The following FARS2 variants were observed in gnomAD, a reference collection of about 807,000 sequenced individuals.
FARS2 encodes the protein phenylalanine--tRNA ligase, mitochondrial.
In FARS2, 40 loss-of-function variants were observed where a neutral mutation model predicts 46.4. The observed-to-expected ratio is 0.86, with a 90% CI of 0.67 to 1.12. FARS2 has a LOEUF of 1.12. FARS2 is among the 50% of genes most tolerant of loss of function. FARS2 has a pLI of 0.00. For synonymous variants in FARS2, 234 were observed against 214.9 expected (o/e 1.09, Z -0.78); for missense variants, 513 against 567.9 (o/e 0.90, Z 0.98).
At chr6:5,458,283 A>G (rs1447782585) in intron 4 of FARS2, among the ~76,000 whole-genome samples, 8 of 152,210 alleles carry the variant, frequency 5.3e-5, no homozygotes, top group Non-Finnish European at 1.2e-4. Flanking sequence ...TTTGTGCAAG[A>G]GCTGGCTGTA....
At chr6:5,581,429 C>G (rs1223055170) in intron 5 of FARS2, among the ~76,000 whole-genome samples, 1 of 152,202 alleles carries the variant, frequency 6.6e-6, no homozygotes, top group Non-Finnish European at 1.5e-5. Flanking sequence ...TGTCATATGT[C>G]TAGCCGGCTA....
intron 1 of FARS2, among the ~76,000 whole-genome samples, chr6:5,330,480 C>T (rs1028770367): frequency 2.0e-5 from 3 of 152,088 alleles, no homozygotes; most frequent in African/African-American, 7.2e-5. Flanking sequence ...ATTGAGGATA[C>T]TGTGTGGGGT....
chr6:5,414,166 G>A (rs1762088504), intron 3 of FARS2, among the ~76,000 whole-genome samples: 1 of 152,182 alleles, frequency 6.6e-6, no homozygotes, highest in African/African-American at 2.4e-5. Context: ...AATGGTTTCT[G>A]TTGAGGTCAC....
At chr6:5,251,687 G>A in the FARS2 span, among the ~76,000 whole-genome samples, 5 of 152,146 alleles carry the variant, frequency 3.3e-5, no homozygotes, top group Admixed American at 2.0e-4. Flanking sequence ...CCTCCAACAC[G>A]GGGGATTGCA....
chr6:5,338,661 A>G (rs1771339305), intron 1 of FARS2, among the ~76,000 whole-genome samples: 1 of 139,756 alleles, frequency 7.2e-6, no homozygotes, highest in East Asian at 2.3e-4. Context: ...TTTGCAGGGC[A>G]CTTCATGGCA....
chr6:5,269,280 T>C (rs901042779), intron 1 of FARS2, among the ~76,000 whole-genome samples: 1 of 150,978 alleles, frequency 6.6e-6, no homozygotes, highest in Non-Finnish European at 1.5e-5. Flanking sequence ...TAGGTGGGAA[T>C]TGAACAACGA....
intron 1 of FARS2, among the ~76,000 whole-genome samples, chr6:5,306,427 G>C (rs1161504450): frequency 6.6e-6 from 1 of 152,200 alleles, no homozygotes; most frequent in African/African-American, 2.4e-5. Flanking sequence ...ACTGGATCCT[G>C]CTCATTCCAT....
intron 1 of FARS2, among the ~76,000 whole-genome samples, chr6:5,341,226 TATATATA>T (rs1464501641): frequency 3.1e-3 from 24 of 7,832 alleles, no homozygotes; most frequent in African/African-American, 5.0e-3. Flanking sequence ...TATATATATA[TATATATA>T]TATTTTTTTT....
the FARS2 span, among the ~76,000 whole-genome samples, chr6:5,252,916 GAGA>G: frequency 1.3e-4 from 20 of 152,088 alleles, no homozygotes; most frequent in East Asian, 3.9e-3. Context: ...TTTCCTATGT[GAGA>G]AGAATAAGCC....
upstream of FARS2, chr6:5,260,973 T>G (rs1295163564): frequency 3.3e-6 from 4 of 1,213,030 alleles, no homozygotes; most frequent in Non-Finnish European, 4.1e-6. Context: ...GGGGCGGTGC[T>G]GGGAGGGAGA....
At chr6:5,290,015 A>G (rs1767392372) in intron 1 of FARS2, among the ~76,000 whole-genome samples, 1 of 152,198 alleles carries the variant, frequency 6.6e-6, no homozygotes, top group South Asian at 2.1e-4. Context: ...AGCTAGTTAG[A>G]GAGTGTAAAA....
At chr6:5,489,112 T>C (rs766412107) in intron 4 of FARS2, among the ~76,000 whole-genome samples, 12 of 151,978 alleles carry the variant, frequency 7.9e-5, no homozygotes, top group Non-Finnish European at 1.3e-4. Flanking sequence ...GGAAGGAGAA[T>C]AGGAAATTCT....
chr6:5,283,235 T>C (rs1328996080), intron 1 of FARS2, among the ~76,000 whole-genome samples: 1 of 152,048 alleles, frequency 6.6e-6, no homozygotes, highest in African/African-American at 2.4e-5. Context: ...TAGCTGGGCA[T>C]GTTGGCATGC....
chr6:5,498,537 G>C (rs1329198463), intron 4 of FARS2, among the ~76,000 whole-genome samples: 1 of 152,164 alleles, frequency 6.6e-6, no homozygotes, highest in Non-Finnish European at 1.5e-5. Flanking sequence ...TAACACCAGC[G>C]GAGTGACTGC....
intron 4 of FARS2, among the ~76,000 whole-genome samples, chr6:5,520,366 T>G (rs935371898): frequency 2.0e-5 from 3 of 152,182 alleles, no homozygotes; most frequent in African/African-American, 7.2e-5. Flanking sequence ...GCTGTCCAGT[T>G]AGGAAAGTGC....
intron 6 of FARS2, among the ~76,000 whole-genome samples, chr6:5,634,568 C>T (rs1776449747): frequency 6.6e-6 from 1 of 152,228 alleles, no homozygotes; most frequent in Non-Finnish European, 1.5e-5. Context: ...AAGCTATCCT[C>T]CCACCTTCAC....
upstream of FARS2, chr6:5,260,831 T>C: frequency 6.6e-7 from 1 of 1,516,314 alleles, no homozygotes; most frequent in Non-Finnish European, 8.8e-7. Flanking sequence ...ACGAACGAAA[T>C]AAAATGCTGC....
intron 6 of FARS2, among the ~76,000 whole-genome samples, chr6:5,689,474 A>G (rs1437335285): frequency 5.9e-5 from 9 of 152,016 alleles, no homozygotes; most frequent in Non-Finnish European, 1.2e-4. Flanking sequence ...GTCATTCAGG[A>G]GCAGGTTGTT....
chr6:5,717,373 G>GTGTGTT, intron 6 of FARS2, among the ~76,000 whole-genome samples: 1 of 151,788 alleles, frequency 6.6e-6, no homozygotes, highest in African/African-American at 2.4e-5. Context: ...GTGTGTGTGT[G>GTGTGTT]TGTGTGTGTG....
Sources: gnomAD v4.1 joint callset for allele counts (sites outside exome capture counted in the v4.1 genomes callset) on GRCh38, gnomAD v4.1.1 for gene constraint, MANE v1.5 for transcripts, NCBI Gene and HGNC (gene_info 2026-07-23, HGNC 2026-07-21) for gene names.